KCNH1: variants seen among roughly 807,000 people sequenced by gnomAD.
KCNH1 encodes potassium voltage-gated channel subfamily H member 1, also known as voltage-gated delayed rectifier potassium channel KCNH1.
Under a neutral mutation model 69.2 loss-of-function variants are expected in KCNH1, and 27 were observed. The observed-to-expected ratio is 0.39, with a 90% confidence interval of 0.29 to 0.54. The LOEUF (loss-of-function observed/expected upper bound fraction) is 0.54. Among genes scored for constraint, KCNH1 ranks in the 20% least tolerant of loss-of-function variants. The probability of loss-of-function intolerance (pLI) is 0.68; values close to 1 mark genes in which losing one functional copy is unlikely to be tolerated. For synonymous variants in KCNH1, 456 were observed against 487.7 expected, an observed-to-expected ratio of 0.93 and a Z score of 0.86; for missense variants, 798 against 1,261.6, an observed-to-expected ratio of 0.63 and a Z score of 5.57.
rs536659831 is a variant in KCNH1 at position 210,939,152 on chromosome 1, C to T, written c.1033-19083G>A. Among the ~76,000 whole-genome samples the T allele has an allele frequency of 2.6e-5, 4 of 152,242 alleles. No individual in the cohort carries two copies. The South Asian group carries it at 8.3e-4, about 32-fold the overall frequency. On this transcript the variant is annotated intron_variant, in intron 6 of 10. Transcript: ENST00000271751. Reference sequence around the variant, plus strand: ...CTTTCAACAAATACTTCCTGCACACCTAATACAAGCCACACATAATTTTAA... The same window carrying T: ...CTTTCAACAAATACTTCCTGCACACTTAATACAAGCCACACATAATTTTAA...
intron 10 of KCNH1, among the ~76,000 whole-genome samples, chr1:210,737,637 T>TC (rs1682913170): frequency 6.6e-6 from 1 of 152,106 alleles, no homozygotes; most frequent in Non-Finnish European, 1.5e-5. Context: ...ACATGCCCTC[T>TC]CCCCCTGCAC....
chr1:211,016,231 G>A (rs929734313), intron 6 of KCNH1, among the ~76,000 whole-genome samples: 8 of 152,062 alleles, frequency 5.3e-5, no homozygotes, highest in Non-Finnish European at 1.0e-4. Context: ...AGTTGGTTTG[G>A]AAAGAGTTCC....
intron 10 of KCNH1, among the ~76,000 whole-genome samples, chr1:210,732,765 G>C (rs1232955148): frequency 6.6e-6 from 1 of 152,240 alleles, no homozygotes; most frequent in Non-Finnish European, 1.5e-5. Flanking sequence ...CAATGTAGCA[G>C]AGGAAGGAAG....
chr1:210,947,745 C>A (rs1574354671), intron 6 of KCNH1, among the ~76,000 whole-genome samples: 1 of 152,114 alleles, frequency 6.6e-6, no homozygotes, highest in East Asian at 1.9e-4. Context: ...TTAGCTTGGG[C>A]AAAAATTATA....
At chr1:210,914,201 A>G (rs1426594003) in intron 7 of KCNH1, among the ~76,000 whole-genome samples, 3 of 152,142 alleles carry the variant, frequency 2.0e-5, no homozygotes, top group Admixed American at 1.3e-4. Context: ...GAAGCACCAA[A>G]GACGCCTTCC....
In KCNH1 at chr1:210,992,359, T is replaced by C. The variant is rs551686506; in HGVS notation, c.1032+26424A>G. On this transcript the variant is annotated intron_variant, in intron 6 of 10. Coordinates refer to ENST00000271751, the MANE Select transcript of KCNH1 (RefSeq NM_172362.3). ...GATTCTATCTGCCAATCTCTGGTTA[T>C]ATCTTTCTTGCAGACCTAGCTCAAA... is the stretch of plus-strand genomic sequence containing the variant. 3.3e-5 allele frequency among the ~76,000 whole-genome samples: 5 copies of C among 152,342 alleles called. No homozygotes were observed. The South Asian group carries it at 1.0e-3, about 32-fold the overall frequency.
intron 5 of KCNH1, among the ~76,000 whole-genome samples, chr1:211,073,331 A>G (rs1327910375): frequency 6.6e-6 from 1 of 152,224 alleles, no homozygotes; most frequent in East Asian, 1.9e-4. Flanking sequence ...GCAGAAAATC[A>G]GTAAGGATAT....
chr1:210,746,895 C>T (rs1193822241), intron 10 of KCNH1, among the ~76,000 whole-genome samples: 1 of 152,116 alleles, frequency 6.6e-6, no homozygotes, highest in Non-Finnish European at 1.5e-5. Context: ...GGGTAGAGGG[C>T]ACACCAAGGT....
chr1:211,085,584 G>A (rs1017168684), intron 4 of KCNH1, among the ~76,000 whole-genome samples: 5 of 152,104 alleles, frequency 3.3e-5, no homozygotes, highest in African/African-American at 1.2e-4. Context: ...GGGGTCAAGG[G>A]GAGACTTGAG....
intron 9 of KCNH1, among the ~76,000 whole-genome samples, chr1:210,784,740 C>T (rs1020134067): frequency 6.6e-6 from 1 of 152,066 alleles, no homozygotes; most frequent in African/African-American, 2.4e-5. Context: ...CAAAGGAGTG[C>T]AATGGTTATG....
At chr1:210,730,949 G>A (rs1051677370) in intron 10 of KCNH1, among the ~76,000 whole-genome samples, 12 of 152,234 alleles carry the variant, frequency 7.9e-5, no homozygotes, top group Admixed American at 7.2e-4. Context: ...AGGTATCTGG[G>A]CATTAACTTT....
intron 9 of KCNH1, among the ~76,000 whole-genome samples, chr1:210,791,320 C>T (rs927506337): frequency 1.3e-5 from 2 of 152,208 alleles, no homozygotes; most frequent in Non-Finnish European, 2.9e-5. Context: ...GTCCTCCAAC[C>T]ACATGCGTGG....
intron 6 of KCNH1, among the ~76,000 whole-genome samples, chr1:210,942,254 A>C (rs1271314629): frequency 6.6e-6 from 1 of 152,214 alleles, no homozygotes; most frequent in Non-Finnish European, 1.5e-5. Flanking sequence ...AAACAACAAC[A>C]AAAGGCCACC....
intron 10 of KCNH1, among the ~76,000 whole-genome samples, chr1:210,770,441 G>C (rs1057173973): frequency 6.6e-6 from 1 of 152,236 alleles, no homozygotes; most frequent in African/African-American, 2.4e-5. Flanking sequence ...GGAAACTGAG[G>C]CTCTGAATGG....
intron 3 of KCNH1, among the ~76,000 whole-genome samples, chr1:211,097,848 C>A (rs969118536): frequency 4.6e-5 from 7 of 152,232 alleles, no homozygotes; most frequent in African/African-American, 1.7e-4. Context: ...GCCAGCCACA[C>A]CACAAATTGT....
At chr1:211,086,893 G>C (rs1381090519) in intron 4 of KCNH1, among the ~76,000 whole-genome samples, 2 of 152,166 alleles carry the variant, frequency 1.3e-5, no homozygotes, top group African/African-American at 4.8e-5. Context: ...TGGACACAAG[G>C]TACAGCATGG....
intron 6 of KCNH1, among the ~76,000 whole-genome samples, chr1:211,012,221 T>C (rs1489021968): frequency 2.0e-5 from 3 of 152,184 alleles, no homozygotes; most frequent in South Asian, 4.1e-4. Flanking sequence ...CTATCAGACA[T>C]AATGACTTGT....
chr1:210,975,966 A>G (rs1389829822), intron 6 of KCNH1, among the ~76,000 whole-genome samples: 1 of 152,256 alleles, frequency 6.6e-6, no homozygotes, highest in Admixed American at 6.5e-5. Flanking sequence ...TTCTCAAAAG[A>G]AGACATTTAT....
intron 8 of KCNH1, among the ~76,000 whole-genome samples, chr1:210,803,022 T>A (rs1684461040): frequency 6.6e-6 from 1 of 152,196 alleles, no homozygotes; most frequent in Admixed American, 6.5e-5. Context: ...TTAAGGGCAC[T>A]TATTAAAAAT....
Sources: gnomAD v4.1 joint callset for allele counts (sites outside exome capture counted in the v4.1 genomes callset) on GRCh38, gnomAD v4.1.1 for gene constraint, MANE v1.5 for transcripts, NCBI Gene and HGNC (gene_info 2026-07-23, HGNC 2026-07-21) for gene names.